INIP: variants seen among roughly 807,000 people sequenced by gnomAD.
The protein encoded by INIP is SOSS complex subunit C.
Under a neutral mutation model 14.0 loss-of-function variants are expected in INIP, and 9 were observed. That is an observed-to-expected ratio of 0.64 (90% CI 0.39 to 1.12). The LOEUF (loss-of-function observed/expected upper bound fraction) is 1.12, where lower values mean the gene tolerates loss of function less well. INIP is among the 50% of genes most tolerant of loss of function. The pLI is 0.01. For missense variants in INIP, 78 were observed against 122.7 expected, an observed-to-expected ratio of 0.64 and a Z score of 1.72; for synonymous variants, 37 against 41.5, an observed-to-expected ratio of 0.89 and a Z score of 0.41.
intron 2 of INIP, among the ~76,000 whole-genome samples, chr9:112,713,421 G>C (rs1408065649): frequency 6.6e-6 from 1 of 152,194 alleles, no homozygotes; most frequent in East Asian, 1.9e-4. Flanking sequence ...GGCCCAGCAT[G>C]GTGGCTCATG....
intron 2 of INIP, among the ~76,000 whole-genome samples, chr9:112,705,457 G>T (rs573516937): frequency 1.0e-3 from 154 of 152,098 alleles, no homozygotes; most frequent in Non-Finnish European, 1.7e-3. Flanking sequence ...CCACAGGCAT[G>T]TGCCACCATA....
chr9:112,687,857 G>A (rs913130931), intron 4 of INIP, among the ~76,000 whole-genome samples: 2 of 152,114 alleles, frequency 1.3e-5, no homozygotes, highest in Non-Finnish European at 2.9e-5. Flanking sequence ...AGGCTGAGGT[G>A]GGCGAATCAC....
At chr9:112,711,209 A>G (rs1332918385) in intron 2 of INIP, among the ~76,000 whole-genome samples, 2 of 152,002 alleles carry the variant, frequency 1.3e-5, no homozygotes, top group Non-Finnish European at 2.9e-5. Flanking sequence ...GAAAAATACA[A>G]TAGATCTGAA....
intron 2 of INIP, among the ~76,000 whole-genome samples, chr9:112,701,623 TC>T (rs1330209429): frequency 6.6e-6 from 1 of 152,200 alleles, no homozygotes; most frequent in Non-Finnish European, 1.5e-5. Flanking sequence ...AAATTGGCAC[TC>T]TCCCATTTGT....
chr9:112,687,912 C>T lies in INIP; in HGVS notation c.220-279G>A, dbSNP rs786972. ...CATCCTGGCTAACGTGGTGAAACCC[C>T]GTCTCTACTAAAAATACAAAAAAGT... On this transcript the variant is annotated intron_variant, in intron 4 of 4. Transcript: ENST00000374242. 0.13 allele frequency among the ~76,000 whole-genome samples: 18,984 copies of T among 151,768 alleles called. 1,826 individuals are homozygous for T. Among genetic ancestry groups the T allele is most frequent in the African/African-American group, 0.27 (10,988 of 41,302 alleles).
chr9:112,693,299 C>T (rs1210228476), intron 3 of INIP, among the ~76,000 whole-genome samples: 1 of 152,098 alleles, frequency 6.6e-6, no homozygotes, highest in South Asian at 2.1e-4. Flanking sequence ...CTCTCTCTCC[C>T]CTCCCCACTT....
In INIP at chr9:112,700,641, C is replaced by T. The variant is rs751555955; in HGVS notation, c.26-6408G>A. On this transcript the variant is annotated intron_variant, in intron 2 of 4. Transcript: ENST00000374242. ...TTAAGTTAAAACTGCCTATATTTGA[C>T]GATTTTCTACCTACAAAAACAATTT... 1.9e-4 allele frequency among the ~76,000 whole-genome samples: 29 copies of T among 150,136 alleles called. 1 individual carries two copies. In the East Asian group the frequency reaches 4.9e-3, roughly 25 times the overall value.
At chr9:112,690,798 G>C in intron 3 of INIP, among the ~76,000 whole-genome samples, 1 of 152,204 alleles carries the variant, frequency 6.6e-6, no homozygotes, top group East Asian at 1.9e-4. Context: ...TTACAAATGG[G>C]ACACACCATA....
intron 2 of INIP, among the ~76,000 whole-genome samples, chr9:112,710,440 T>A (rs529043233): frequency 3.3e-4 from 50 of 152,326 alleles, no homozygotes; most frequent in Non-Finnish European, 6.8e-4. Flanking sequence ...GACCTTGATA[T>A]TTACCAATAA....
intron 1 of INIP, among the ~76,000 whole-genome samples, chr9:112,717,745 GGAC>G (rs1228106804): frequency 6.6e-6 from 1 of 152,186 alleles, no homozygotes; most frequent in East Asian, 1.9e-4. Context: ...TAGGACTGGA[GGAC>G]AACAGGGCCA....
intron 3 of INIP, among the ~76,000 whole-genome samples, chr9:112,690,844 A>G (rs1296944687): frequency 3.3e-5 from 5 of 152,222 alleles, no homozygotes; most frequent in Non-Finnish European, 7.3e-5. Flanking sequence ...CAGGTGGCTC[A>G]GTGCGGGGTG....
At chr9:112,689,197 G>GA (rs1358075383) in intron 4 of INIP, among the ~76,000 whole-genome samples, 9 of 151,328 alleles carry the variant, frequency 5.9e-5, no homozygotes, top group South Asian at 4.2e-4. Context: ...TGATAGATTT[G>GA]AAAAAAAATG....
intron 2 of INIP, among the ~76,000 whole-genome samples, chr9:112,703,206 A>T (rs541008116): frequency 4.6e-5 from 7 of 152,214 alleles, no homozygotes; most frequent in African/African-American, 1.7e-4. Flanking sequence ...TTATATGCCA[A>T]TATGATAGTG....
At chr9:112,715,588 A>G (rs1285525565) in intron 2 of INIP, among the ~76,000 whole-genome samples, 1 of 152,152 alleles carries the variant, frequency 6.6e-6, no homozygotes, top group Non-Finnish European at 1.5e-5. Flanking sequence ...AGCCTGACCA[A>G]CATGGAAAAA....
chr9:112,716,342 T>G, intron 2 of INIP, 119 bp downstream of exon 2: 1 of 888,232 alleles, frequency 1.1e-6, no homozygotes, highest in Non-Finnish European at 1.9e-6. Context: ...GCTCCCGGCC[T>G]GCTATTCATT....
intron 4 of INIP, 38 bp downstream of exon 4, chr9:112,689,489 A>G (rs1356171275): frequency 6.6e-7 from 1 of 1,512,032 alleles, no homozygotes; most frequent in Non-Finnish European, 9.2e-7. Flanking sequence ...GATCCAGGAA[A>G]CCTCCACCGA....
At chr9:112,705,872 A>G (rs1199937544) in intron 2 of INIP, among the ~76,000 whole-genome samples, 3 of 152,196 alleles carry the variant, frequency 2.0e-5, no homozygotes, top group Non-Finnish European at 4.4e-5. Context: ...GGGACCTTGT[A>G]TTACATGTAG....
chr9:112,713,587 G>T (rs558373362), intron 2 of INIP, among the ~76,000 whole-genome samples: 1 of 152,274 alleles, frequency 6.6e-6, no homozygotes, highest in South Asian at 2.1e-4. Context: ...CACCACTTTG[G>T]AAGGTAGAGG....
intron 2 of INIP, among the ~76,000 whole-genome samples, chr9:112,695,832 GAGAAGAAGGAGA>G (rs535004205): frequency 0.2 from 20,362 of 101,604 alleles, 2,048 homozygotes; most frequent in African/African-American, 0.29. Context: ...GAAGAAGAAG[GAGAAGAAGGAGA>G]AGAAGAAGGA....
Sources: allele counts gnomAD v4.1 joint callset (sites outside exome capture counted in the v4.1 genomes callset), GRCh38; gene constraint gnomAD v4.1.1; transcripts MANE v1.5; gene names NCBI Gene and HGNC (gene_info 2026-07-23, HGNC 2026-07-21).